Variants in TOGARAM1 observed in about 807,000 individuals in gnomAD.
TOGARAM1 encodes the protein TOG array regulator of axonemal microtubules protein 1.
A neutral mutation model predicts 166.6 loss-of-function variants in TOGARAM1; 100 were observed. The observed-to-expected ratio is 0.60, with a 90% CI of 0.51 to 0.71. TOGARAM1 has a LOEUF of 0.71. TOGARAM1 is among the 30% of genes least tolerant of loss of function. TOGARAM1 has a pLI of 0.00. For missense variants in TOGARAM1, 2,029 were observed against 2,102.7 expected, an observed-to-expected ratio of 0.96 and a Z score of 0.69; for synonymous variants, 758 against 763.8, an observed-to-expected ratio of 0.99 and a Z score of 0.13.
At chr14:45,049,855 A>T (rs28685885) in intron 14 of TOGARAM1, among the ~76,000 whole-genome samples, 7,067 of 152,230 alleles carry the variant, frequency 0.046, 532 homozygotes, top group African/African-American at 0.16. Context: ...AGATTTCTTA[A>T]TGGCCATCTC....
Position 45,032,208 on chromosome 14 carries a change from T to C in TOGARAM1, c.3659-15T>C, listed in dbSNP as rs945772809. 2 of 1,588,502 alleles carry C rather than the reference T, an allele frequency of 1.3e-6. No individual in the cohort carries two copies. The highest frequency in any genetic ancestry group is 1.7e-6 in the Non-Finnish European group (2 of 1,173,138). ...AAAGGTTCTCTCATAGTTTATTTAA[T>C]GTATTTTGTTTTAGGTGAAACACCT... On this transcript the variant is annotated splice_polypyrimidine_tract_variant and intron_variant, in intron 10 of 19. Coordinates refer to ENST00000361462, the MANE Select transcript of TOGARAM1 (RefSeq NM_001308120.2).
chr14:45,057,239 G>A (rs1307471711), intron 16 of TOGARAM1, among the ~76,000 whole-genome samples: 1 of 152,068 alleles, frequency 6.6e-6, no homozygotes, highest in Non-Finnish European at 1.5e-5. Context: ...AAGCTAGGTA[G>A]CGATTTATTA....
In TOGARAM1 at chr14:44,969,221, G is replaced by A. The variant is rs920658408; in HGVS notation, c.2046+4754G>A. Among the ~76,000 whole-genome samples, 92 of 144,608 alleles carry A rather than the reference G, an allele frequency of 6.4e-4. 1 individual carries two copies. Among genetic ancestry groups the A allele is most frequent in the Non-Finnish European group, 1.1e-3 (70 of 66,556 alleles). 94.9% of individuals were successfully genotyped at this position (144,608 alleles called of 152,430 possible). A position where few individuals can be genotyped will look rare whatever the true frequency, so the allele number is the denominator to read the frequency against. On this transcript the variant is annotated intron_variant, in intron 1 of 19. Coordinates refer to ENST00000361462, the MANE Select transcript of TOGARAM1 (RefSeq NM_001308120.2). ...CCAGGCTGGAGTGCAGTGCGATCTC[G>A]GCTCACTGCAACCTCTGCCTCCCGG...
chr14:45,028,076 A>G (rs935973623), intron 9 of TOGARAM1, 100 bp from the exon 10 acceptor site: 44 of 959,580 alleles, frequency 4.6e-5, no homozygotes, highest in Non-Finnish European at 6.0e-5. Flanking sequence ...TTAAGTAGTG[A>G]CAGACTAATA....
intron 13 of TOGARAM1, among the ~76,000 whole-genome samples, chr14:45,045,543 G>GTGTGTGTGTGTA (rs1457434775): frequency 2.8e-4 from 11 of 38,918 alleles, no homozygotes; most frequent in African/African-American, 1.0e-3. Context: ...GTCTGTGTGT[G>GTGTGTGTGTGTA]TATATATATA....
chr14:45,004,612 CTTTG>C (rs1413121821), intron 4 of TOGARAM1, among the ~76,000 whole-genome samples: 3 of 152,162 alleles, frequency 2.0e-5, no homozygotes, highest in South Asian at 2.1e-4. Context: ...TGATGCTTTT[CTTTG>C]TTTGTTTGTT....
At chr14:45,070,107 G>A (rs952776019) in intron 18 of TOGARAM1, among the ~76,000 whole-genome samples, 8 of 152,016 alleles carry the variant, frequency 5.3e-5, no homozygotes, top group African/African-American at 1.2e-4. Flanking sequence ...GCATGAACCC[G>A]GGAGGTGGAG....
chr14:45,034,721 C>G (rs1005702100), intron 11 of TOGARAM1, among the ~76,000 whole-genome samples: 1 of 152,090 alleles, frequency 6.6e-6, no homozygotes, highest in Non-Finnish European at 1.5e-5. Context: ...AAAGCAAGGC[C>G]TAAGATGATC....
intron 7 of TOGARAM1, among the ~76,000 whole-genome samples, chr14:45,016,557 A>T (rs1880152883): frequency 6.6e-6 from 1 of 152,086 alleles, no homozygotes; most frequent in Non-Finnish European, 1.5e-5. Flanking sequence ...CACCCAGTGA[A>T]TTTTTTAATT....
chr14:45,049,615 T>C lies in TOGARAM1; in HGVS notation c.4314-2821T>C, dbSNP rs546558386. Among the ~76,000 whole-genome samples, 12 of 152,260 alleles carry C rather than the reference T, an allele frequency of 7.9e-5. No individual in the cohort carries two copies. The South Asian group carries it at 2.5e-3, about 32-fold the overall frequency. On this transcript the variant is annotated intron_variant, in intron 14 of 19. Coordinates refer to ENST00000361462, the MANE Select transcript of TOGARAM1 (RefSeq NM_001308120.2). ...ATTAGATTAATTCCACCAGATCATG[T>C]CATTACTTTAAGGTTAACTGTACTA...
intron 1 of TOGARAM1, among the ~76,000 whole-genome samples, chr14:44,981,145 A>G (rs1461335679): frequency 6.6e-6 from 1 of 152,224 alleles, no homozygotes; most frequent in Non-Finnish European, 1.5e-5. Flanking sequence ...GGGGGGAAAT[A>G]TGAATTTTTG....
intron 3 of TOGARAM1, among the ~76,000 whole-genome samples, chr14:45,001,648 A>G (rs1438012975): frequency 6.6e-6 from 1 of 152,262 alleles, no homozygotes; most frequent in Non-Finnish European, 1.5e-5. Context: ...GGTATATGAA[A>G]AGCTCAACAT....
rs376825710 is a variant in TOGARAM1 at position 45,006,119 on chromosome 14, G to A, written c.2756G>A (p.Gly919Glu). 5 of 1,614,046 alleles carry A rather than the reference G, an allele frequency of 3.1e-6. No individual in the cohort carries two copies. The highest frequency in any genetic ancestry group is 4.2e-6 in the Non-Finnish European group (5 of 1,179,962). The stretch of plus-strand genomic sequence containing the variant: ...AAGCCTGTTCCTCCCATACCAAGGG[G>A]AATAAGCCTTTTGCCTGATAAAGCT... Reference protein sequence around the residue: ...GTKPVPPIPRGISLLPDKADL... With the variant: ...GTKPVPPIPREISLLPDKADL... The change falls in exon 5 of 20, where the codon GGA becomes GAA. Residue 919 changes from glycine to glutamate, a missense_variant. Gly to Glu is a moderately conservative substitution (Grantham distance 98, BLOSUM62 -2). This residue lies in a region of TOGARAM1 where 1,453 missense variants were observed against 1,432.2 expected (regional missense o/e 1.01). Coordinates refer to ENST00000361462, the MANE Select transcript of TOGARAM1 (RefSeq NM_001308120.2).
chr14:45,041,025 C>T (rs935710139), intron 11 of TOGARAM1, among the ~76,000 whole-genome samples: 5 of 151,876 alleles, frequency 3.3e-5, no homozygotes, highest in Non-Finnish European at 7.4e-5. Flanking sequence ...GGCAACAGAG[C>T]GAGACTCTGT....
At chr14:45,026,996 A>G (rs189313026) in intron 8 of TOGARAM1, among the ~76,000 whole-genome samples, 237 of 151,894 alleles carry the variant, frequency 1.6e-3, no homozygotes, top group Non-Finnish European at 2.5e-3. Context: ...TGACAGAGAG[A>G]GACTATCTCA....
intron 9 of TOGARAM1, among the ~76,000 whole-genome samples, chr14:45,027,823 G>A (rs1469698963): frequency 6.6e-6 from 1 of 150,854 alleles, no homozygotes; most frequent in South Asian, 2.1e-4. Context: ...GCAGTAAACC[G>A]TGATTACGCC....
At chr14:45,017,001 G>A (rs954697975) in intron 7 of TOGARAM1, among the ~76,000 whole-genome samples, 5 of 152,112 alleles carry the variant, frequency 3.3e-5, no homozygotes, top group Admixed American at 2.0e-4. Flanking sequence ...TGAACCATAG[G>A]TTTGGATGTG....
intron 18 of TOGARAM1, among the ~76,000 whole-genome samples, chr14:45,071,158 G>T (rs958651345): frequency 1.3e-5 from 2 of 152,074 alleles, no homozygotes; most frequent in East Asian, 1.9e-4. Flanking sequence ...CTGACCTTGT[G>T]ATCTGCCCAC....
rs1882420162 is a variant in TOGARAM1, at chr14:45,052,440, T to C, written c.4318T>C (p.Tyr1440His). Reference sequence around the variant, plus strand: ...CTGTTTTTCAAATACTCACAGGTATTATGGTCGAAAGATGCTGTTCTTCAT... The same window carrying C: ...CTGTTTTTCAAATACTCACAGGTATCATGGTCGAAAGATGCTGTTCTTCAT... ...AQDSSQETRY[Y>H]GRKMLFFMMC... The change falls in exon 15 of 20, where the codon TAT becomes CAT. Residue 1440 changes from tyrosine (Y) to histidine (H), a missense_variant. Transcript: ENST00000361462. 2.5e-6 allele frequency: 4 copies of C among 1,611,088 alleles called. No individual in the cohort carries two copies. The highest frequency in any genetic ancestry group is 3.4e-6 in the Non-Finnish European group (4 of 1,178,396).
Sources: gnomAD v4.1 joint callset for allele counts (sites outside exome capture counted in the v4.1 genomes callset) on GRCh38, gnomAD v4.1.1 for gene constraint, gnomAD v4.1.1 regional missense constraint, MANE v1.5 for transcripts, NCBI Gene and HGNC (gene_info 2026-07-23, HGNC 2026-07-21) for gene names.